Variants in FAAH2 observed in about 807,000 individuals in gnomAD.
FAAH2 encodes the protein fatty-acid amide hydrolase 2.
A neutral mutation model predicts 36.9 loss-of-function variants in FAAH2; 60 were observed. The observed-to-expected ratio is 1.63, with a 90% CI of 1.32 to 2.02. The LOEUF is 2.02. FAAH2 is among the 30% of genes most tolerant of loss of function. The pLI, the probability that FAAH2 is intolerant of heterozygous loss-of-function variation, is 0.00. For synonymous variants in FAAH2, 214 were observed against 143.8 expected (o/e 1.49, Z -3.49); for missense variants, 689 against 397.5 (o/e 1.73, Z -6.23).
At chrX:57,356,264 C>A (rs180968113) in intron 5 of FAAH2, among the ~76,000 whole-genome samples, 1 of 109,845 alleles carries the variant, frequency 9.1e-6, no homozygotes, top group African/African-American at 3.3e-5. Flanking sequence ...ATCAGGGTAA[C>A]ACTGGCTTTG....
At position 57,390,436 on chromosome X, in the gene FAAH2, A is replaced by C. The variant is rs143813669; in HGVS notation, c.996+9407A>C. The stretch of plus-strand genomic sequence containing the variant: ...TGGGCTTCTAGTGTACCAGTCATGC[A>C]AACAGTGAACATTTTATCCCACAGG... On this transcript the variant is annotated intron_variant, in intron 7 of 10. Coordinates refer to ENST00000374900, the MANE Select transcript of FAAH2 (RefSeq NM_174912.4). 4.3e-3 allele frequency among the ~76,000 whole-genome samples: 484 copies of C among 111,490 alleles called. 3 individuals are homozygous for C. The highest frequency in any genetic ancestry group is 0.015 in the African/African-American group (464 of 30,715).
intron 4 of FAAH2, among the ~76,000 whole-genome samples, chrX:57,338,808 A>G (rs1393233868): frequency 8.9e-6 from 1 of 111,847 alleles, no homozygotes; most frequent in Non-Finnish European, 1.9e-5. Flanking sequence ...AGGAAGAATC[A>G]TTATCGTGAA....
intron 5 of FAAH2, among the ~76,000 whole-genome samples, chrX:57,375,876 G>T (rs1161003718): frequency 9.0e-6 from 1 of 110,884 alleles, no homozygotes; most frequent in Non-Finnish European, 1.9e-5. Context: ...TTGACACTTA[G>T]GTTTTTAATC....
intron 7 of FAAH2, 43 bp from the exon 8 acceptor site, chrX:57,431,875 C>A: frequency 9.6e-7 from 1 of 1,046,634 alleles, no homozygotes; most frequent in South Asian, 2.2e-5. Context: ...AGTATCTCCT[C>A]TTCTCATCAT....
the FAAH2 span, among the ~76,000 whole-genome samples, chrX:57,235,248 T>G: frequency 1.8e-5 from 2 of 111,455 alleles, no homozygotes; most frequent in Admixed American, 1.9e-4. Flanking sequence ...TTTGCTTATT[T>G]TGGGGCCAGT....
the FAAH2 span, among the ~76,000 whole-genome samples, chrX:57,208,020 T>A: frequency 8.9e-6 from 1 of 112,634 alleles, no homozygotes; most frequent in African/African-American, 3.2e-5. Flanking sequence ...CCTGTTGATC[T>A]GGGGGGTGTA....
intron 4 of FAAH2, among the ~76,000 whole-genome samples, chrX:57,335,934 C>G (rs917811283): frequency 8.9e-6 from 1 of 111,815 alleles, no homozygotes; most frequent in African/African-American, 3.3e-5. Context: ...CTGCACAGCC[C>G]TTAATCCATT....
chrX:57,305,645 C>T (rs2052500583), intron 2 of FAAH2, among the ~76,000 whole-genome samples: 2 of 111,731 alleles, frequency 1.8e-5, no homozygotes, highest in Admixed American at 9.6e-5. Flanking sequence ...TACCCAGACT[C>T]CCTAGAACGC....
chrX:57,427,565 G>T (rs2056192554), intron 7 of FAAH2, among the ~76,000 whole-genome samples: 1 of 111,635 alleles, frequency 9.0e-6, no homozygotes, highest in South Asian at 3.7e-4. Flanking sequence ...TCATGATCAA[G>T]TTGGTTTTAA....
At chrX:57,471,090 G>A (rs1385682858) in intron 10 of FAAH2, among the ~76,000 whole-genome samples, 5 of 111,748 alleles carry the variant, frequency 4.5e-5, no homozygotes, top group Admixed American at 9.5e-5. Context: ...TTGATGGAAT[G>A]TATCTCAAAA....
chrX:57,360,069 C>T (rs1203080836), intron 5 of FAAH2, among the ~76,000 whole-genome samples: 1 of 107,864 alleles, frequency 9.3e-6, no homozygotes, highest in Non-Finnish European at 1.9e-5. Context: ...ATGGAAACTT[C>T]TTTCTGCACA....
At chrX:57,163,040 G>T in the FAAH2 span, among the ~76,000 whole-genome samples, 1 of 111,795 alleles carries the variant, frequency 8.9e-6, no homozygotes, top group African/African-American at 3.3e-5. Context: ...TGGGTTTTTG[G>T]TGTGGATGTC....
At chrX:57,180,720 A>G in the FAAH2 span, among the ~76,000 whole-genome samples, 11 of 111,699 alleles carry the variant, frequency 9.8e-5, no homozygotes, top group African/African-American at 3.3e-4. Context: ...AAGAGCTGGT[A>G]CCATTTCTAC....
At chrX:57,186,209 C>T in the FAAH2 span, among the ~76,000 whole-genome samples, 2 of 111,773 alleles carry the variant, frequency 1.8e-5, no homozygotes, top group Middle Eastern at 9.2e-3. Flanking sequence ...TGTTCCTTTT[C>T]CTCCACATCC....
chrX:57,170,780 C>T, the FAAH2 span, among the ~76,000 whole-genome samples: 21 of 110,283 alleles, frequency 1.9e-4, no homozygotes, highest in East Asian at 2.9e-3. Context: ...TCTTGGCTCA[C>T]GGCAACCTCC....
the FAAH2 span, among the ~76,000 whole-genome samples, chrX:57,271,097 T>C: frequency 8.9e-6 from 1 of 112,361 alleles, no homozygotes; most frequent in African/African-American, 3.2e-5. Context: ...ATTCTCACAG[T>C]CAGCACAGCA....
At chrX:57,210,526 A>C in the FAAH2 span, among the ~76,000 whole-genome samples, 15 of 112,486 alleles carry the variant, frequency 1.3e-4, no homozygotes, top group East Asian at 3.1e-3. Context: ...TAAAAATTTC[A>C]ACAATGAAGT....
chrX:57,365,222 T>A (rs1265970224), intron 5 of FAAH2, among the ~76,000 whole-genome samples: 1 of 112,264 alleles, frequency 8.9e-6, no homozygotes, highest in East Asian at 2.8e-4. Context: ...TATTTAGCAC[T>A]CACTTAAGGA....
Position 57,394,473 on chromosome X carries a change from A to G in FAAH2, c.996+13444A>G, listed in dbSNP as rs180844452. On this transcript the variant is annotated intron_variant, in intron 7 of 10. Coordinates refer to ENST00000374900, the MANE Select transcript of FAAH2 (RefSeq NM_174912.4). ...TTACCAATGGGCTTCGGTTTACAAG[A>G]TCGTGATATATCAATGTCACTTGGA... 9.5e-5 allele frequency: 114 copies of G among 1,200,198 alleles called. No individual in the cohort carries two copies. The African/African-American group carries it at 1.8e-3, about 19-fold the overall frequency.
Sources: allele counts gnomAD v4.1 joint callset (sites outside exome capture counted in the v4.1 genomes callset), GRCh38; gene constraint gnomAD v4.1.1; transcripts MANE v1.5; gene names NCBI Gene and HGNC (gene_info 2026-07-23, HGNC 2026-07-21).